Variants in PTPRD observed in about 807,000 individuals in gnomAD.
PTPRD encodes the protein receptor-type tyrosine-protein phosphatase delta.
In PTPRD, 34 loss-of-function variants were observed where a neutral mutation model predicts 214.5. That is an observed-to-expected ratio of 0.16 (90% CI 0.12 to 0.21). The LOEUF (loss-of-function observed/expected upper bound fraction) is 0.21. Among genes scored for constraint, PTPRD ranks in the 10% least tolerant of loss-of-function variants. PTPRD has a pLI of 1.00. For missense variants in PTPRD, 2,545 were observed against 2,398.7 expected (o/e 1.06, Z -1.27); for synonymous variants, 1,128 against 845.7 (o/e 1.33, Z -5.79).
intron 10 of PTPRD, among the ~76,000 whole-genome samples, chr9:9,029,391 C>A (rs1009371003): frequency 6.6e-6 from 1 of 151,726 alleles, no homozygotes; most frequent in South Asian, 2.1e-4. Context: ...AAATGATAAC[C>A]TACTCAAGGC....
At chr9:9,104,658 C>T (rs2099796036) in intron 10 of PTPRD, among the ~76,000 whole-genome samples, 1 of 152,166 alleles carries the variant, frequency 6.6e-6, no homozygotes, top group Non-Finnish European at 1.5e-5. Flanking sequence ...GATAAGTTCT[C>T]ATGATGAATT....
chr9:9,831,041 T>C (rs2153603337), intron 5 of PTPRD, among the ~76,000 whole-genome samples: 1 of 151,994 alleles, frequency 6.6e-6, no homozygotes, highest in South Asian at 2.1e-4. Flanking sequence ...ATTGCATGCA[T>C]TTTAGCATGG....
chr9:9,584,793 C>A (rs768190063), intron 7 of PTPRD, among the ~76,000 whole-genome samples: 4 of 151,908 alleles, frequency 2.6e-5, no homozygotes, highest in Non-Finnish European at 5.9e-5. Context: ...TATTTTCAAC[C>A]TGTAATGTCA....
At chr9:9,307,069 G>T (rs1426349849) in intron 9 of PTPRD, among the ~76,000 whole-genome samples, 1 of 152,126 alleles carries the variant, frequency 6.6e-6, no homozygotes, top group Non-Finnish European at 1.5e-5. Context: ...TGTCAATATA[G>T]AATTGATGTG....
intron 12 of PTPRD, among the ~76,000 whole-genome samples, chr9:8,727,291 G>C (rs960837955): frequency 2.6e-5 from 4 of 152,204 alleles, no homozygotes; most frequent in African/African-American, 9.7e-5. Flanking sequence ...TTGTGACAGA[G>C]TCTTAATCTT....
At chr9:9,462,973 C>G (rs2093797529) in intron 8 of PTPRD, among the ~76,000 whole-genome samples, 1 of 152,148 alleles carries the variant, frequency 6.6e-6, no homozygotes, top group Admixed American at 6.6e-5. Context: ...TTTTCAGACA[C>G]TATGTTTTAC....
chr9:10,203,141 T>C (rs1336754546), intron 3 of PTPRD, among the ~76,000 whole-genome samples: 1 of 151,630 alleles, frequency 6.6e-6, no homozygotes, highest in African/African-American at 2.4e-5. Flanking sequence ...AGAAATCAGT[T>C]CCTGTTTACT....
chr9:10,559,221 T>C (rs2063302030), intron 2 of PTPRD, among the ~76,000 whole-genome samples: 1 of 152,178 alleles, frequency 6.6e-6, no homozygotes, highest in African/African-American at 2.4e-5. Context: ...GGACATTTTA[T>C]ATGCATACAA....
At chr9:8,411,685 C>A (rs1259303658) in intron 35 of PTPRD, among the ~76,000 whole-genome samples, 2 of 152,132 alleles carry the variant, frequency 1.3e-5, no homozygotes, top group African/African-American at 2.4e-5. Flanking sequence ...TTTCCAAAGA[C>A]AATGTGCTAG....
At chr9:9,042,380 C>A (rs892518471) in intron 10 of PTPRD, among the ~76,000 whole-genome samples, 4 of 152,118 alleles carry the variant, frequency 2.6e-5, no homozygotes, top group African/African-American at 9.7e-5. Flanking sequence ...ACAATTCCAA[C>A]TGGGATCACG....
At chr9:8,782,152 C>T (rs1452550961) in intron 11 of PTPRD, among the ~76,000 whole-genome samples, 1 of 65,954 alleles carries the variant, frequency 1.5e-5, no homozygotes. Context: ...TGGTATAAAA[C>T]ATACCATAAT....
chr9:9,507,219 CT>C (rs201741296), intron 8 of PTPRD, among the ~76,000 whole-genome samples: 1,862 of 151,244 alleles, frequency 0.012, 37 homozygotes, highest in African/African-American at 0.042. Context: ...TCAATTTTGT[CT>C]GAAAAGAAGC....
At chr9:9,036,321 C>T (rs910209493) in intron 10 of PTPRD, among the ~76,000 whole-genome samples, 1 of 150,790 alleles carries the variant, frequency 6.6e-6, no homozygotes, top group South Asian at 2.1e-4. Context: ...GAATTTAAGA[C>T]AGCTTACATA....
intron 8 of PTPRD, among the ~76,000 whole-genome samples, chr9:9,532,145 G>T (rs1402419653): frequency 6.6e-6 from 1 of 152,068 alleles, no homozygotes; most frequent in African/African-American, 2.4e-5. Context: ...ACCATATGCA[G>T]GAGAGCTAGG....
At chr9:9,894,968 A>G (rs976051183) in intron 5 of PTPRD, among the ~76,000 whole-genome samples, 1 of 152,084 alleles carries the variant, frequency 6.6e-6, no homozygotes, top group African/African-American at 2.4e-5. Flanking sequence ...TTTCTTTAAA[A>G]TATTTCTAGA....
At chr9:9,933,776 T>A (rs1298351614) in intron 5 of PTPRD, among the ~76,000 whole-genome samples, 1 of 149,112 alleles carries the variant, frequency 6.7e-6, no homozygotes, top group Non-Finnish European at 1.5e-5. Context: ...AGAATATACA[T>A]TTTTTTCAGC....
intron 4 of PTPRD, among the ~76,000 whole-genome samples, chr9:10,006,066 A>G (rs1475546642): frequency 6.6e-6 from 1 of 152,074 alleles, no homozygotes; most frequent in Non-Finnish European, 1.5e-5. Context: ...TATACAAAAA[A>G]TGAGATGAGA....
intron 5 of PTPRD, among the ~76,000 whole-genome samples, chr9:9,834,311 T>C (rs916915201): frequency 6.6e-6 from 1 of 152,052 alleles, no homozygotes; most frequent in Non-Finnish European, 1.5e-5. Context: ...AAATTTATCA[T>C]AATCTCCATG....
intron 5 of PTPRD, among the ~76,000 whole-genome samples, chr9:9,806,143 G>A (rs762913967): frequency 6.6e-6 from 1 of 152,260 alleles, no homozygotes; most frequent in Admixed American, 6.5e-5. Flanking sequence ...GCTGGTGTTA[G>A]AGTAGGTAGG....
Sources: allele counts gnomAD v4.1 joint callset (sites outside exome capture counted in the v4.1 genomes callset), GRCh38; gene constraint gnomAD v4.1.1; transcripts MANE v1.5; gene names NCBI Gene and HGNC (gene_info 2026-07-23, HGNC 2026-07-21).